Variants in IL18R1 observed in about 807,000 individuals in gnomAD.
The protein encoded by IL18R1 is interleukin-18 receptor 1.
Under a neutral mutation model 48.5 loss-of-function variants are expected in IL18R1, and 40 were observed. The observed-to-expected ratio is 0.82, with a 90% CI of 0.64 to 1.07. The LOEUF (loss-of-function observed/expected upper bound fraction) is 1.07. IL18R1 is among the 50% of genes least tolerant of loss of function. IL18R1 has a pLI of 0.00. For synonymous variants in IL18R1, 232 were observed against 225.9 expected (o/e 1.03, Z -0.24); for missense variants, 596 against 633.7 (o/e 0.94, Z 0.64).
At chr2:102,389,794 T>G (rs1488904840) in intron 8 of IL18R1, among the ~76,000 whole-genome samples, 1 of 152,254 alleles carries the variant, frequency 6.6e-6, no homozygotes, top group African/African-American at 2.4e-5. Context: ...CGGGTACGGA[T>G]AGAATACATT....
rs1281408309 is a variant in IL18R1 at position 102,398,551 on chromosome 2, T to C, written c.*1665T>C. The C allele has an allele frequency of 6.6e-6, 1 of 152,290 alleles. No homozygotes were observed. The highest frequency in any genetic ancestry group is 1.5e-5 in the Non-Finnish European group (1 of 68,050). The allele number at this position is 152,290 out of a possible 1,614,324, so 9.4% of individuals were successfully genotyped here. On this transcript the variant is annotated 3_prime_UTR_variant, in exon 11 of 11. Transcript: ENST00000233957. The stretch of plus-strand genomic sequence containing the variant: ...TTTAATTAATAGCTCATATTTTATG[T>C]GTGAAAACATGTTAGTGAACATATA...
Position 102,356,366 on chromosome 2 carries a change from GC to G in IL18R1, c.-58del, listed in dbSNP as rs1262812615. ...GACCTGGCGTGAAGGAGGAGCTGCC[GC>G]CCCCGCCCCAGCCTCGGGGACGCCT... is the stretch of plus-strand genomic sequence containing the variant. On this transcript the variant is annotated 5_prime_UTR_variant, in exon 1 of 11. Transcript: ENST00000233957. 2.0e-6 allele frequency: 2 copies of G among 984,796 alleles called. No individual in the cohort carries two copies. The allele number at this position is 984,796 out of a possible 1,614,324, so 61.0% of individuals were successfully genotyped here.
At chr2:102,368,510 C>T (rs1392874490) in intron 3 of IL18R1, among the ~76,000 whole-genome samples, 1 of 152,138 alleles carries the variant, frequency 6.6e-6, no homozygotes, top group African/African-American at 2.4e-5. Flanking sequence ...CACCCTAGTC[C>T]AGTCTGCAGG....
intron 5 of IL18R1, among the ~76,000 whole-genome samples, chr2:102,380,221 A>G (rs1679838956): frequency 6.6e-6 from 1 of 152,068 alleles, no homozygotes; most frequent in Non-Finnish European, 1.5e-5. Context: ...ATGGGACTGC[A>G]CCCTTCACTT....
At chr2:102,360,384 C>T (rs779765092) in intron 1 of IL18R1, among the ~76,000 whole-genome samples, 3 of 152,208 alleles carry the variant, frequency 2.0e-5, no homozygotes, top group Non-Finnish European at 4.4e-5. Flanking sequence ...CTGCCTCATC[C>T]TCCTTAGTAG....
chr2:102,368,432 G>C (rs921501779), intron 3 of IL18R1, among the ~76,000 whole-genome samples: 1 of 152,274 alleles, frequency 6.6e-6, no homozygotes, highest in African/African-American at 2.4e-5. Flanking sequence ...AATGTGTTGC[G>C]AATGGGGCAG....
intron 9 of IL18R1, among the ~76,000 whole-genome samples, chr2:102,393,717 A>C (rs1284481755): frequency 6.6e-6 from 1 of 152,198 alleles, no homozygotes; most frequent in Non-Finnish European, 1.5e-5. Flanking sequence ...TTGTCATGGG[A>C]TAAAGGTAGA....
chr2:102,380,774 A>G (rs1180940203), intron 5 of IL18R1, among the ~76,000 whole-genome samples: 1 of 152,200 alleles, frequency 6.6e-6, no homozygotes, highest in Non-Finnish European at 1.5e-5. Context: ...GAGCACCTGC[A>G]AGTCCCAGAA....
intron 3 of IL18R1, 60 bp from the exon 4 acceptor site, chr2:102,371,893 G>T (rs1161419417): frequency 8.9e-6 from 8 of 903,732 alleles, no homozygotes; most frequent in Admixed American, 2.9e-5. Context: ...AAGGGAAGAT[G>T]GGTGATATTT....
intron 2 of IL18R1, among the ~76,000 whole-genome samples, chr2:102,366,685 T>C (rs925864482): frequency 9.9e-5 from 15 of 152,122 alleles, no homozygotes; most frequent in Admixed American, 7.9e-4. Flanking sequence ...ATGGACTCAG[T>C]TCTGCAGGGC....
chr2:102,379,126 A>G (rs888432143), intron 5 of IL18R1, among the ~76,000 whole-genome samples: 1 of 152,146 alleles, frequency 6.6e-6, no homozygotes, highest in Non-Finnish European at 1.5e-5. Flanking sequence ...AGCAAGTTTT[A>G]TGTGACATGG....
intron 5 of IL18R1, among the ~76,000 whole-genome samples, chr2:102,379,536 G>A (rs1679799032): frequency 6.6e-6 from 1 of 151,676 alleles, no homozygotes; most frequent in African/African-American, 2.4e-5. Context: ...GGTTCTAGAA[G>A]CATGGACAGC....
chr2:102,376,276 A>G (rs1679579542), intron 5 of IL18R1, among the ~76,000 whole-genome samples: 1 of 152,198 alleles, frequency 6.6e-6, no homozygotes, highest in Admixed American at 6.5e-5. Context: ...AATCTGTATG[A>G]ATAAACCTCA....
rs1332492316 is a variant in IL18R1 at position 102,398,113 on chromosome 2, C to T, written c.*1227C>T. On this transcript the variant is annotated 3_prime_UTR_variant, in exon 11 of 11. Transcript: ENST00000233957. ...AGGGAAGCAGATCTAGGGAGGAAGG[C>T]AGTTTTGATTTGAGGAGGTTTGCAC... 1 of 152,254 alleles carries T rather than the reference C, an allele frequency of 6.6e-6. No homozygotes were observed. The highest frequency in any genetic ancestry group is 1.5e-5 in the Non-Finnish European group (1 of 68,056). 9.4% of individuals were successfully genotyped at this position (152,254 alleles called of 1,614,324 possible).
intron 3 of IL18R1, among the ~76,000 whole-genome samples, chr2:102,369,298 A>G (rs1450674800): frequency 2.6e-5 from 4 of 152,254 alleles, no homozygotes; most frequent in Non-Finnish European, 5.9e-5. Flanking sequence ...CCAGGCATCT[A>G]TGATCATCAC....
At chr2:102,377,551 C>T (rs547118878) in intron 5 of IL18R1, among the ~76,000 whole-genome samples, 8 of 152,338 alleles carry the variant, frequency 5.3e-5, no homozygotes, top group East Asian at 1.9e-4. Context: ...CTCCTGACCT[C>T]GTGATCCCCC....
intron 9 of IL18R1, among the ~76,000 whole-genome samples, chr2:102,391,866 C>A (rs1680581956): frequency 6.6e-6 from 1 of 152,190 alleles, no homozygotes; most frequent in South Asian, 2.1e-4. Flanking sequence ...TCTCAACACA[C>A]CCATTCATAT....
intron 3 of IL18R1, among the ~76,000 whole-genome samples, chr2:102,369,700 T>C (rs1316304042): frequency 6.6e-6 from 1 of 152,238 alleles, no homozygotes; most frequent in Admixed American, 6.5e-5. Flanking sequence ...CTTAGGTGTG[T>C]AACCCTTTGC....
chr2:102,396,880 G>A lies in IL18R1; in HGVS notation c.1620G>A (p.Glu540=). The A allele has an allele frequency of 6.4e-6, 10 of 1,572,996 alleles. No homozygotes were observed. The highest frequency in any genetic ancestry group is 7.7e-6 in the Non-Finnish European group (9 of 1,163,496). The stretch of plus-strand genomic sequence containing the variant: ...CGGAAGTCTTGCCTGTTCTTTCCGA[G>A]TCTTAATCTTCAGAAACAGTGAACG... ...DEPEVLPVLS[E]S The change falls in exon 11 of 11, where the codon GAG becomes GAA. Residue 540 remains glutamate (E), a synonymous_variant. Coordinates refer to ENST00000233957, the MANE Select transcript of IL18R1 (RefSeq NM_003855.5).
Sources: allele counts gnomAD v4.1 joint callset (sites outside exome capture counted in the v4.1 genomes callset), GRCh38; gene constraint gnomAD v4.1.1; transcripts MANE v1.5; gene names NCBI Gene and HGNC (gene_info 2026-07-23, HGNC 2026-07-21).